The following CHD6 variants were observed in gnomAD, a reference collection of about 807,000 sequenced individuals.
CHD6 encodes the protein chromodomain helicase DNA binding protein 6, also known as ATP-dependent chromatin remodeler CHD6.
CHD6 carries 50 observed loss-of-function variants against 276.9 expected under a neutral mutation model. That is an observed-to-expected ratio of 0.18 (90% CI 0.14 to 0.23). The LOEUF is 0.23. Among genes scored for constraint, CHD6 ranks in the 10% least tolerant of loss-of-function variants. The pLI is 1.00. For missense variants in CHD6, 2,564 were observed against 3,365.8 expected (o/e 0.76, Z 5.89); for synonymous variants, 1,173 against 1,229.3 (o/e 0.95, Z 0.96).
At chr20:41,526,820 C>T (rs2044550342) in intron 3 of CHD6, among the ~76,000 whole-genome samples, 2 of 152,188 alleles carry the variant, frequency 1.3e-5, no homozygotes, top group Non-Finnish European at 2.9e-5. Flanking sequence ...AAACATGTTT[C>T]TCAAAGGATA....
intron 2 of CHD6, among the ~76,000 whole-genome samples, chr20:41,540,056 G>A (rs1297065744): frequency 6.6e-6 from 1 of 152,196 alleles, no homozygotes; most frequent in Non-Finnish European, 1.5e-5. Context: ...TGGGTGATAC[G>A]ACTGTGGGCA....
intron 1 of CHD6, among the ~76,000 whole-genome samples, chr20:41,608,232 G>A (rs1302269145): frequency 6.6e-6 from 1 of 152,144 alleles, no homozygotes; most frequent in Non-Finnish European, 1.5e-5. Context: ...ATAAAAGGGA[G>A]GGATATGCCA....
In CHD6 at chr20:41,570,629, C is replaced by T. The variant is rs565344951; in HGVS notation, c.-23-19269G>A. 2.0e-5 allele frequency among the ~76,000 whole-genome samples: 3 copies of T among 152,340 alleles called. No homozygotes were observed. In the East Asian group the frequency reaches 5.8e-4, roughly 29 times the overall value. On this transcript the variant is annotated intron_variant, in intron 1 of 36. Transcript: ENST00000373233. ...GCCTTCTGTGATATGTTTGCAGTAA[C>T]TCTTGCCCTGGCCAAATCCTCTCTA... is the stretch of plus-strand genomic sequence containing the variant.
At chr20:41,569,747 C>T (rs966694015) in intron 1 of CHD6, among the ~76,000 whole-genome samples, 2 of 152,004 alleles carry the variant, frequency 1.3e-5, no homozygotes, top group South Asian at 2.1e-4. Flanking sequence ...TATAAAAATA[C>T]AACTTTTTAA....
chr20:41,495,489 T>G (rs2043661862), intron 8 of CHD6, among the ~76,000 whole-genome samples: 1 of 152,148 alleles, frequency 6.6e-6, no homozygotes, highest in African/African-American at 2.4e-5. Flanking sequence ...GGTCAAAGGG[T>G]ATAAAATTTC....
chr20:41,436,080 C>G (rs1031390543), intron 27 of CHD6, among the ~76,000 whole-genome samples: 3 of 152,062 alleles, frequency 2.0e-5, no homozygotes, highest in African/African-American at 7.2e-5. Context: ...TAAAAAGAGA[C>G]ACTTACAGGG....
chr20:41,493,047 TA>T (rs2043593488), intron 10 of CHD6, among the ~76,000 whole-genome samples: 1 of 152,122 alleles, frequency 6.6e-6, no homozygotes, highest in South Asian at 2.1e-4. Flanking sequence ...GAAAAACAAA[TA>T]AATTCAATAA....
Position 41,417,468 on chromosome 20 carries a change from T to C in CHD6, c.6128-119A>G, listed in dbSNP as rs185921275. The C allele has an allele frequency of 6.5e-5, 53 of 812,946 alleles. No homozygotes were observed. In the East Asian group the frequency reaches 1.4e-3, roughly 22 times the overall value. 50.4% of individuals were successfully genotyped at this position (812,946 alleles called of 1,614,324 possible). ...TTTTAAATTAGCTCATTCTGTGCTA[T>C]TTTAAATGGAATATTAATTATGATA... On this transcript the variant is annotated intron_variant, in intron 31 of 36. Transcript: ENST00000373233.
chr20:41,608,693 T>C (rs1013915508), intron 1 of CHD6, among the ~76,000 whole-genome samples: 1 of 152,222 alleles, frequency 6.6e-6, no homozygotes, highest in African/African-American at 2.4e-5. Flanking sequence ...AATGGATAGA[T>C]GTCTTCAGAA....
intron 16 of CHD6, among the ~76,000 whole-genome samples, chr20:41,479,660 A>G (rs1281360495): frequency 6.6e-6 from 1 of 152,218 alleles, no homozygotes; most frequent in Non-Finnish European, 1.5e-5. Context: ...TTAGAAAGAC[A>G]GGAGAAGACA....
At chr20:41,570,809 C>A (rs149425424) in intron 1 of CHD6, among the ~76,000 whole-genome samples, 1 of 152,202 alleles carries the variant, frequency 6.6e-6, no homozygotes, top group Admixed American at 6.5e-5. Flanking sequence ...TGAAATTCAC[C>A]CTAAATTCTG....
At chr20:41,600,099 T>C (rs544660911) in intron 1 of CHD6, among the ~76,000 whole-genome samples, 1 of 152,354 alleles carries the variant, frequency 6.6e-6, no homozygotes, top group African/African-American at 2.4e-5. Flanking sequence ...CGAGCACTTG[T>C]CTGTAACATT....
At chr20:41,414,074 T>C (rs1051476449) in intron 34 of CHD6, 2 of 152,220 alleles carry the variant, frequency 1.3e-5, no homozygotes, top group African/African-American at 4.8e-5. Flanking sequence ...AATTCTATGA[T>C]CATTATAGAG....
At chr20:41,571,471 C>T (rs1430804309) in intron 1 of CHD6, among the ~76,000 whole-genome samples, 1 of 149,982 alleles carries the variant, frequency 6.7e-6, no homozygotes, top group African/African-American at 2.5e-5. Context: ...CAGCTCACTG[C>T]ACCCTCCACC....
intron 1 of CHD6, among the ~76,000 whole-genome samples, chr20:41,561,387 C>A (rs1475448225): frequency 6.6e-6 from 1 of 152,160 alleles, no homozygotes; most frequent in Admixed American, 6.5e-5. Context: ...GAATCACTAA[C>A]TTCTCCTAAA....
intron 1 of CHD6, among the ~76,000 whole-genome samples, chr20:41,560,940 A>C (rs867755046): frequency 3.3e-5 from 5 of 151,676 alleles, no homozygotes; most frequent in Non-Finnish European, 7.4e-5. Context: ...TTTCCATTCT[A>C]TTTTAAATAA....
At chr20:41,517,963 T>C (rs2044292109) in intron 3 of CHD6, among the ~76,000 whole-genome samples, 1 of 152,224 alleles carries the variant, frequency 6.6e-6, no homozygotes. Context: ...GTTATTTGAA[T>C]CTCAAAATAA....
chr20:41,578,857 C>T (rs1160069672), intron 1 of CHD6, among the ~76,000 whole-genome samples: 1 of 145,386 alleles, frequency 6.9e-6, no homozygotes, highest in Non-Finnish European at 1.5e-5. Flanking sequence ...AGCAAGGCCC[C>T]CATTAGAAAG....
chr20:41,487,637 C>A, intron 14 of CHD6, 28 bp downstream of exon 14: 1 of 1,580,558 alleles, frequency 6.3e-7, no homozygotes, highest in Admixed American at 2.0e-5. Flanking sequence ...ATCACACTGT[C>A]TCCTCAATTC....
Sources: gnomAD v4.1 joint callset for allele counts (sites outside exome capture counted in the v4.1 genomes callset) on GRCh38, gnomAD v4.1.1 for gene constraint, MANE v1.5 for transcripts, NCBI Gene and HGNC (gene_info 2026-07-23, HGNC 2026-07-21) for gene names.